The following CDH15 variants were observed in gnomAD, a reference collection of about 807,000 sequenced individuals.
CDH15 encodes cadherin-15.
In CDH15, 73 loss-of-function variants were observed where a neutral mutation model predicts 69.4. That is an observed-to-expected ratio of 1.05 (90% confidence interval 0.87 to 1.28). The LOEUF is 1.28. Ranked by LOEUF, CDH15 falls within the 50% of genes most tolerant of loss-of-function variation. CDH15 has a pLI of 0.00. For missense variants in CDH15, 1,343 were observed against 1,133.6 expected (o/e 1.18, Z -2.65); for synonymous variants, 624 against 507.7 (o/e 1.23, Z -3.08).
chr16:89,191,656 C>T lies in CDH15; in HGVS notation c.1377C>T (p.Ala459=). 6.3e-7 allele frequency: 1 copy of T among 1,585,656 alleles called. No individual in the cohort carries two copies. Among genetic ancestry groups the T allele is most frequent in the African/African-American group, 1.3e-5 (1 of 74,654 alleles). Residue 459 remains alanine, a splice_region_variant and synonymous_variant, in exon 10 of 14, where the codon GCC becomes GCT. Coordinates refer to ENST00000289746, the MANE Select transcript of CDH15 (RefSeq NM_004933.3). ...YRAIVLAQDD[A]SQPRTATGTL... ...AAGCCGCGGCCTCCTCGCCTGCAGC[C>T]TCCCAGCCCCGCACCGCCACCGGCA...
At chr16:89,183,453 C>A in intron 3 of CDH15, 95 bp from the exon 4 acceptor site, 1 of 1,438,128 alleles carries the variant, frequency 7.0e-7, no homozygotes, top group Non-Finnish European at 9.7e-7. Flanking sequence ...CAGCTGGAGA[C>A]AAAGTCTGAA....
chr16:89,176,275 C>T (rs1319462055), intron 1 of CDH15, among the ~76,000 whole-genome samples: 6 of 152,226 alleles, frequency 3.9e-5, no homozygotes, highest in Admixed American at 1.3e-4. Context: ...CAGGAGCAGG[C>T]GGCACTGGAG....
chr16:89,181,155 G>T (rs1398194270), intron 3 of CDH15, among the ~76,000 whole-genome samples: 1 of 152,082 alleles, frequency 6.6e-6, no homozygotes, highest in Non-Finnish European at 1.5e-5. Context: ...TTTTAGTAGA[G>T]ATGGGGTTTC....
chr16:89,180,070 G>A, intron 2 of CDH15, 130 bp from the exon 3 acceptor site: 1 of 1,006,556 alleles, frequency 9.9e-7, no homozygotes. Flanking sequence ...TGGGTACCAG[G>A]ATCCGTCCTC....
At position 89,192,304 on chromosome 16, in the gene CDH15, A is replaced by C; in HGVS notation, c.1715A>C (p.Glu572Ala). ...RDSGQPPQQR[E>A]QPLNVTVCRC... ...TCGGGGCAGCCGCCCCAGCAGCGCG[A>C]GCAGCCTCTGAACGTGACCGTGTGC... The change falls in exon 11 of 14, where the codon GAG (glutamate) becomes GCG (alanine). Residue 572 changes from glutamate (E) to alanine (A), a missense_variant. Physicochemically the swap from Glu to Ala is moderately radical, Grantham distance 107. Transcript: ENST00000289746. The C allele has an allele frequency of 6.5e-7, 1 of 1,533,688 alleles. No individual in the cohort carries two copies. The highest frequency in any genetic ancestry group is 8.7e-7 in the Non-Finnish European group (1 of 1,146,538).
intron 6 of CDH15, 41 bp downstream of exon 6, chr16:89,187,598 G>C (rs774542142): frequency 5.6e-6 from 9 of 1,611,688 alleles, no homozygotes; most frequent in Non-Finnish European, 7.6e-6. Context: ...CCCCTGCTTA[G>C]AGCTGCCTTC....
rs528640680 is a variant in CDH15, at chr16:89,193,967, C to T, written c.2151+54C>T. The T allele has an allele frequency of 5.1e-6, 8 of 1,567,568 alleles. No homozygotes were observed. In the African/African-American group the frequency reaches 5.4e-5, roughly 11 times the overall value. ...ACACAGGCACGCACAGGTGCACACA[C>T]ACATGCACATGTACACACCTGCACA... On this transcript the variant is annotated intron_variant, in intron 13 of 13. Coordinates refer to ENST00000289746, the MANE Select transcript of CDH15 (RefSeq NM_004933.3).
At chr16:89,178,026 G>A (rs1406957016) in intron 1 of CDH15, among the ~76,000 whole-genome samples, 4 of 152,216 alleles carry the variant, frequency 2.6e-5, no homozygotes, top group South Asian at 2.1e-4. Context: ...AGCTGGGTAC[G>A]GTGACCGCAT....
chr16:89,191,034 G>T (rs903818864), intron 8 of CDH15, among the ~76,000 whole-genome samples: 5 of 149,786 alleles, frequency 3.3e-5, no homozygotes, highest in African/African-American at 1.2e-4. Flanking sequence ...TGTGGTACAT[G>T]CGTGTGGTGT....
Position 89,192,434 on chromosome 16 carries a change from C to T in CDH15, c.1845C>T (p.Leu615=). Residue 615 remains leucine (L), a synonymous_variant, in exon 11 of 14, where the codon CTC becomes CTT. Coordinates refer to ENST00000289746, the MANE Select transcript of CDH15 (RefSeq NM_004933.3). ...GALVIVLASA[L]LLLVLVLLVA... ...TGGTCATCGTGCTGGCCAGCGCCCT[C>T]CTGCTGCTGGGTGAGTGAGCGCCCC... The T allele has an allele frequency of 6.4e-7, 1 of 1,558,302 alleles. No individual in the cohort carries two copies. Among genetic ancestry groups the T allele is most frequent in the Non-Finnish European group, 8.6e-7 (1 of 1,159,530 alleles).
intron 7 of CDH15, 148 bp downstream of exon 7, chr16:89,188,433 G>C (rs1442156178): frequency 2.9e-5 from 18 of 615,952 alleles, no homozygotes; most frequent in Non-Finnish European, 4.7e-5. Context: ...CCCACACACA[G>C]ATGCCGGCAC....
In CDH15 at chr16:89,194,859, T is replaced by A; in HGVS notation, c.2152-3T>A. The A allele has an allele frequency of 6.2e-7, 1 of 1,600,994 alleles. No individual in the cohort carries two copies. Among genetic ancestry groups the A allele is most frequent in the South Asian group, 1.1e-5 (1 of 89,582 alleles). On this transcript the variant is annotated splice_polypyrimidine_tract_variant and splice_region_variant and intron_variant, in intron 13 of 13. Transcript: ENST00000289746. ...GTCTTGAGCTCTCCGGGCCTCTTTA[T>A]AGGGCTTGGAGGCTGCAGATAGTGA...
chr16:89,174,173 C>T (rs1281095747), intron 1 of CDH15, among the ~76,000 whole-genome samples: 3 of 152,236 alleles, frequency 2.0e-5, no homozygotes, highest in Non-Finnish European at 2.9e-5. Flanking sequence ...TTCTCTGAAG[C>T]CCGCAGCAGC....
intron 1 of CDH15, among the ~76,000 whole-genome samples, chr16:89,173,670 G>A (rs1045875750): frequency 9.9e-5 from 15 of 152,178 alleles, no homozygotes; most frequent in Non-Finnish European, 1.6e-4. Flanking sequence ...TTGGGGTCCT[G>A]GGCCGCCTCC....
chr16:89,178,259 C>G (rs932577866), intron 1 of CDH15, among the ~76,000 whole-genome samples: 2 of 152,120 alleles, frequency 1.3e-5, no homozygotes, highest in East Asian at 3.9e-4. Context: ...AGGGTCGTCC[C>G]GGCCCTGGAG....
intron 7 of CDH15, among the ~76,000 whole-genome samples, chr16:89,189,724 C>A (rs889599496): frequency 7.9e-5 from 12 of 152,362 alleles, no homozygotes; most frequent in African/African-American, 2.9e-4. Flanking sequence ...GATATGTCCA[C>A]ACGTGTAGAT....
intron 1 of CDH15, among the ~76,000 whole-genome samples, chr16:89,172,903 G>C (rs1335709216): frequency 1.3e-5 from 2 of 152,156 alleles, no homozygotes; most frequent in Admixed American, 6.5e-5. Flanking sequence ...TGGTCCTGGG[G>C]TGGTCAGGGA....
At position 89,192,214 on chromosome 16, in the gene CDH15, C is replaced by A; in HGVS notation, c.1625C>A (p.Ala542Glu). The A allele has an allele frequency of 6.5e-7, 1 of 1,529,022 alleles. No homozygotes were observed. The highest frequency in any genetic ancestry group is 8.7e-7 in the Non-Finnish European group (1 of 1,144,424). 94.7% of individuals were successfully genotyped at this position (1,529,022 alleles called of 1,614,324 possible). A position where few individuals can be genotyped will look rare whatever the true frequency, so the allele number is the denominator to read the frequency against. The change falls in exon 11 of 14, where the codon GCG (alanine) becomes GAG (glutamate). Residue 542 changes from alanine (A) to glutamate (E), a missense_variant. Transcript: ENST00000289746. ...WSLSQVNVSH[A>E]RLRPRHQVPE... ...CAGGCGCCCTCCGCAGTGAGCCACG[C>A]GCGCCTGCGGCCGCGACACCAGGTC... is the stretch of plus-strand genomic sequence containing the variant.
At position 89,194,942 on chromosome 16, in the gene CDH15, G is replaced by A. The variant is rs150968733; in HGVS notation, c.2232G>A (p.Ser744=). The change falls in exon 14 of 14, where the codon TCG becomes TCA. Residue 744 remains serine, a synonymous_variant. Coordinates refer to ENST00000289746, the MANE Select transcript of CDH15 (RefSeq NM_004933.3). ...TCTATGACTACGAGGGTGACGGCTC[G>A]GTGGCGGGGACGCTGAGCTCCATCC... The part of the protein sequence containing the change: ...ALIYDYEGDG[S]VAGTLSSILS... 313 of 1,608,568 alleles carry A rather than the reference G, an allele frequency of 1.9e-4. No homozygotes were observed. Among genetic ancestry groups the A allele is most frequent in the African/African-American group, 4.3e-4 (32 of 74,938 alleles).
Sources: gnomAD v4.1 joint callset for allele counts (sites outside exome capture counted in the v4.1 genomes callset) on GRCh38, gnomAD v4.1.1 for gene constraint, MANE v1.5 for transcripts, NCBI Gene and HGNC (gene_info 2026-07-23, HGNC 2026-07-21) for gene names.